The following HS6ST3 variants were observed in gnomAD, a reference collection of about 807,000 sequenced individuals.
HS6ST3 encodes heparan-sulfate 6-O-sulfotransferase 3.
Under a neutral mutation model 36.7 loss-of-function variants are expected in HS6ST3, and 12 were observed. The observed-to-expected ratio is 0.33, with a 90% CI of 0.21 to 0.53. The LOEUF (loss-of-function observed/expected upper bound fraction) is 0.53, where lower values mean the gene tolerates loss of function less well. Among genes scored for constraint, HS6ST3 ranks in the 20% least tolerant of loss-of-function variants. The probability of loss-of-function intolerance (pLI) is 0.95; values close to 1 mark genes in which losing one functional copy is unlikely to be tolerated. For missense variants in HS6ST3, 584 were observed against 640.9 expected (o/e 0.91, Z 0.96); for synonymous variants, 240 against 257.5 (o/e 0.93, Z 0.65).
chr13:96,483,954 T>C (rs930361765), intron 1 of HS6ST3, among the ~76,000 whole-genome samples: 8 of 152,190 alleles, frequency 5.3e-5, no homozygotes, highest in Non-Finnish European at 1.0e-4. Context: ...AGATTCAGTT[T>C]CTCACATGAG....
At chr13:96,760,924 G>A (rs941685045) in intron 1 of HS6ST3, among the ~76,000 whole-genome samples, 3 of 151,914 alleles carry the variant, frequency 2.0e-5, no homozygotes, top group South Asian at 2.1e-4. Context: ...TAGATTGGAC[G>A]GGCAGATAAT....
At chr13:96,200,743 A>C (rs1413556439) in intron 1 of HS6ST3, among the ~76,000 whole-genome samples, 1 of 152,212 alleles carries the variant, frequency 6.6e-6, no homozygotes, top group Admixed American at 6.5e-5. Flanking sequence ...ATGCCCAGCT[A>C]TACTTTTGAG....
chr13:96,203,392 A>G (rs1027357017), intron 1 of HS6ST3, among the ~76,000 whole-genome samples: 2 of 152,154 alleles, frequency 1.3e-5, no homozygotes, highest in African/African-American at 4.8e-5. Flanking sequence ...AATCCCATTC[A>G]TGAAGGCTTC....
intron 1 of HS6ST3, among the ~76,000 whole-genome samples, chr13:96,315,235 C>CT (rs2139411226): frequency 6.6e-6 from 1 of 152,162 alleles, no homozygotes; most frequent in South Asian, 2.1e-4. Flanking sequence ...ATCTTGACAA[C>CT]TGATATTGGT....
chr13:96,657,967 A>G (rs1479132527), intron 1 of HS6ST3, among the ~76,000 whole-genome samples: 1 of 152,170 alleles, frequency 6.6e-6, no homozygotes, highest in African/African-American at 2.4e-5. Context: ...TGGCAGTTAC[A>G]TGTAAGTGTC....
chr13:96,297,060 GC>G (rs2054858262), intron 1 of HS6ST3, among the ~76,000 whole-genome samples: 1 of 151,790 alleles, frequency 6.6e-6, no homozygotes. Context: ...GATTCCCATG[GC>G]TTGCTATATT....
chr13:96,566,134 G>A (rs1388422149), intron 1 of HS6ST3, among the ~76,000 whole-genome samples: 1 of 151,712 alleles, frequency 6.6e-6, no homozygotes, highest in Non-Finnish European at 1.5e-5. Context: ...TCAATGGAAT[G>A]GGAGAGAAAA....
chr13:96,734,316 T>A (rs892821435), intron 1 of HS6ST3, among the ~76,000 whole-genome samples: 1 of 152,216 alleles, frequency 6.6e-6, no homozygotes, highest in Non-Finnish European at 1.5e-5. Flanking sequence ...ATAGACTTTC[T>A]TCCTAGGTCA....
At chr13:96,414,916 C>G (rs1427137919) in intron 1 of HS6ST3, among the ~76,000 whole-genome samples, 1 of 152,086 alleles carries the variant, frequency 6.6e-6, no homozygotes. Flanking sequence ...AGGATGGAGC[C>G]TTTCTCAGAA....
intron 1 of HS6ST3, among the ~76,000 whole-genome samples, chr13:96,517,058 T>C (rs1000629139): frequency 4.6e-5 from 7 of 152,158 alleles, no homozygotes; most frequent in African/African-American, 1.4e-4. Flanking sequence ...ATCATCACTT[T>C]CACCTAAATT....
chr13:96,299,755 G>A (rs2054872462), intron 1 of HS6ST3, among the ~76,000 whole-genome samples: 1 of 152,092 alleles, frequency 6.6e-6, no homozygotes, highest in Non-Finnish European at 1.5e-5. Context: ...CTGTGACATT[G>A]GCGTTTTGAA....
chr13:96,495,558 A>G (rs1364720426), intron 1 of HS6ST3, among the ~76,000 whole-genome samples: 2 of 152,154 alleles, frequency 1.3e-5, no homozygotes, highest in Non-Finnish European at 2.9e-5. Context: ...GGCTTCTTTT[A>G]GTGCTTTCTT....
At chr13:96,671,503 G>GTACAGTACAGTCACC (rs1865808001) in intron 1 of HS6ST3, among the ~76,000 whole-genome samples, 9 of 152,116 alleles carry the variant, frequency 5.9e-5, no homozygotes, top group African/African-American at 9.7e-5. Flanking sequence ...CTGTAACGAA[G>GTACAGTACAGTCACC]CACCACAGAC....
chr13:96,134,870 T>G (rs2053993526), intron 1 of HS6ST3, among the ~76,000 whole-genome samples: 1 of 152,230 alleles, frequency 6.6e-6, no homozygotes, highest in Non-Finnish European at 1.5e-5. Flanking sequence ...TAGTTTTCTT[T>G]ATGGAAGGGG....
chr13:96,368,557 T>C (rs2055274908), intron 1 of HS6ST3, among the ~76,000 whole-genome samples: 1 of 152,064 alleles, frequency 6.6e-6, no homozygotes, highest in Non-Finnish European at 1.5e-5. Context: ...TTACATGGTA[T>C]AATTCAGTAT....
In HS6ST3 at chr13:96,255,909, T is replaced by A. The variant is rs140394363; in HGVS notation, c.707+164340T>A. 2.7e-3 allele frequency among the ~76,000 whole-genome samples: 405 copies of A among 152,314 alleles called. 3 individuals carry two copies. The highest frequency in any genetic ancestry group is 9.3e-3 in the African/African-American group (387 of 41,574). ...CAATGTTTGACCCTAGTTCTGTCAT[T>A]TATGTATGTCATTAAATAATTACCG... On this transcript the variant is annotated intron_variant, in intron 1 of 1. Coordinates refer to ENST00000376705, the MANE Select transcript of HS6ST3 (RefSeq NM_153456.4).
intron 1 of HS6ST3, among the ~76,000 whole-genome samples, chr13:96,094,679 A>T (rs772629869): frequency 3.3e-5 from 5 of 152,162 alleles, no homozygotes; most frequent in Non-Finnish European, 7.3e-5. Context: ...TCTGAAAAGA[A>T]ATACATGGCA....
At chr13:96,628,246 C>T (rs1016043476) in intron 1 of HS6ST3, among the ~76,000 whole-genome samples, 1 of 151,714 alleles carries the variant, frequency 6.6e-6, no homozygotes, top group Admixed American at 6.6e-5. Context: ...TAAGATTTTC[C>T]GTTATTTCCT....
At chr13:96,652,791 T>C (rs2056612062) in intron 1 of HS6ST3, among the ~76,000 whole-genome samples, 2 of 152,098 alleles carry the variant, frequency 1.3e-5, no homozygotes, top group South Asian at 4.1e-4. Context: ...CAGTTAGCAA[T>C]AGGATTCATA....
Sources: allele counts gnomAD v4.1 joint callset (sites outside exome capture counted in the v4.1 genomes callset), GRCh38; gene constraint gnomAD v4.1.1; transcripts MANE v1.5; gene names NCBI Gene and HGNC (gene_info 2026-07-23, HGNC 2026-07-21).